Variants in VEZT observed in about 807,000 individuals in gnomAD.
VEZT encodes the protein vezatin, adherens junctions transmembrane protein.
VEZT carries 39 observed loss-of-function variants against 79.9 expected under a neutral mutation model. That is an observed-to-expected ratio of 0.49 (90% CI 0.38 to 0.64). The LOEUF is 0.64. Among genes scored for constraint, VEZT ranks in the 30% least tolerant of loss-of-function variants. VEZT has a pLI of 0.00. For missense variants in VEZT, 837 were observed against 893.1 expected (o/e 0.94, Z 0.80); for synonymous variants, 325 against 327.6 (o/e 0.99, Z 0.09).
chr12:95,280,933 T>TA (rs143921755), intron 7 of VEZT, among the ~76,000 whole-genome samples: 72 of 150,376 alleles, frequency 4.8e-4, no homozygotes, highest in Middle Eastern at 6.8e-3. Context: ...TTGGTCACTT[T>TA]AAAAAAAAAA....
intron 3 of VEZT, among the ~76,000 whole-genome samples, chr12:95,257,517 C>T (rs2063654132): frequency 6.6e-6 from 1 of 152,090 alleles, no homozygotes; most frequent in Non-Finnish European, 1.5e-5. Flanking sequence ...GACAGGTATC[C>T]CTCTCTATAG....
chr12:95,300,634 A>T lies in VEZT; in HGVS notation c.2301A>T (p.Gln767His), dbSNP rs752828420. Reference sequence around the variant, plus strand: ...CTTTTGGTGGTGAGGAGGAAGAACAAATAATAGAAGAAAATAAAAATGAGA... The same window carrying T: ...CTTTTGGTGGTGAGGAGGAAGAACATATAATAGAAGAAAATAAAAATGAGA... ...EQTFGGEEEEQIIEENKNEIE... is the reference protein window; with the variant it reads ...EQTFGGEEEEHIIEENKNEIE... The change falls in exon 12 of 12, where the codon CAA becomes CAT. Residue 767 changes from glutamine (Q) to histidine (H), a missense_variant. Coordinates refer to ENST00000436874, the MANE Select transcript of VEZT (RefSeq NM_017599.4). 5 of 1,599,198 alleles carry T rather than the reference A, an allele frequency of 3.1e-6. No homozygotes were observed. The African/African-American group carries it at 4.0e-5, about 13-fold the overall frequency.
At position 95,302,436 on chromosome 12, in the gene VEZT, T is replaced by G. The variant is rs1356943146; in HGVS notation, c.*1763T>G. 6.6e-6 allele frequency: 1 copy of G among 152,196 alleles called. No individual in the cohort carries two copies. The highest frequency in any genetic ancestry group is 1.5e-5 in the Non-Finnish European group (1 of 68,018). The allele number at this position is 152,196 out of a possible 1,614,324, so 9.4% of individuals were successfully genotyped here. On this transcript the variant is annotated 3_prime_UTR_variant, in exon 12 of 12. Coordinates refer to ENST00000436874, the MANE Select transcript of VEZT (RefSeq NM_017599.4). Reference sequence around the variant, plus strand: ...TTTCCAGTCTTTCAGTCTGATCTATTTAATTCACTACTTGTTACATAATCC... The same window carrying G: ...TTTCCAGTCTTTCAGTCTGATCTATGTAATTCACTACTTGTTACATAATCC...
At chr12:95,292,847 CTTTT>C (rs1204643991) in intron 9 of VEZT, among the ~76,000 whole-genome samples, 1 of 96,476 alleles carries the variant, frequency 1.0e-5, no homozygotes. Flanking sequence ...GTACCTGGCC[CTTTT>C]TTTTTTTTTT....
At position 95,288,737 on chromosome 12, in the gene VEZT, C is replaced by T. The variant is rs539154934; in HGVS notation, c.1522+880C>T. ...AACATGCTAATTACTGATATATTAC[C>T]CGTAGGTTTTCTTAATATCTCAAAT... On this transcript the variant is annotated intron_variant, in intron 9 of 11. Coordinates refer to ENST00000436874, the MANE Select transcript of VEZT (RefSeq NM_017599.4). 3.9e-5 allele frequency among the ~76,000 whole-genome samples: 6 copies of T among 152,144 alleles called. No individual in the cohort carries two copies. The East Asian group carries it at 1.2e-3, about 29-fold the overall frequency.
At chr12:95,280,084 A>C (rs796188341) in intron 7 of VEZT, among the ~76,000 whole-genome samples, 19 of 152,210 alleles carry the variant, frequency 1.2e-4, no homozygotes, top group African/African-American at 4.3e-4. Flanking sequence ...TGGTCTCATT[A>C]ATGCTTACCT....
At chr12:95,221,826 C>G (rs1299169223) in intron 1 of VEZT, among the ~76,000 whole-genome samples, 1 of 151,476 alleles carries the variant, frequency 6.6e-6, no homozygotes, top group African/African-American at 2.4e-5. Flanking sequence ...CAGAGTGAGA[C>G]CATATCTCTA....
In VEZT at chr12:95,248,428, AT is replaced by A. The variant is rs1324474058; in HGVS notation, c.37-3509del. Among the ~76,000 whole-genome samples, 69 of 152,350 alleles carry A rather than the reference AT, an allele frequency of 4.5e-4. 2 individuals carry two copies. The highest frequency in any genetic ancestry group is 4.5e-3 in the Admixed American group (69 of 15,292). ...TGCCCTCAGCTTATATACAGAACATATTTGAAGAAAAAAGTATTCTTGTTTC... is the reference window on the plus strand; with the variant it reads ...TGCCCTCAGCTTATATACAGAACATATTGAAGAAAAAAGTATTCTTGTTTC... On this transcript the variant is annotated intron_variant, in intron 1 of 11. Transcript: ENST00000436874.
At chr12:95,290,360 C>T (rs1594145427) in intron 9 of VEZT, among the ~76,000 whole-genome samples, 1 of 152,128 alleles carries the variant, frequency 6.6e-6, no homozygotes, top group South Asian at 2.1e-4. Flanking sequence ...AAAGCCTATA[C>T]ATAAATATTT....
intron 11 of VEZT, chr12:95,297,090 C>G (rs2139890323): frequency 6.6e-6 from 1 of 152,290 alleles, no homozygotes; most frequent in East Asian, 1.9e-4. Context: ...TCCCCATACT[C>G]TGATTTCAGC....
Position 95,266,544 on chromosome 12 carries a change from G to A in VEZT, c.622G>A (p.Ala208Thr), listed in dbSNP as rs73374297. ...KKYSVHLEDM[A>T]TNSRAFTNLV... Reference sequence around the variant, plus strand: ...ATACAGCGTTCATTTGGAAGATATGGCCACAAACAGCCGAGCTTTTACTAA... The same window carrying A: ...ATACAGCGTTCATTTGGAAGATATGACCACAAACAGCCGAGCTTTTACTAA... The change falls in exon 5 of 12, where the codon GCC becomes ACC. Residue 208 changes from alanine (A) to threonine (T), a missense_variant. Transcript: ENST00000436874. 2,159 of 1,613,890 alleles carry A rather than the reference G, an allele frequency of 1.3e-3. 28 individuals carry two copies. In the African/African-American group the frequency reaches 0.025, roughly 19 times the overall value.
rs561047713 is a variant in VEZT, at chr12:95,246,172, G to C, written c.37-5768G>C. Among the ~76,000 whole-genome samples, 4 of 152,102 alleles carry C rather than the reference G, an allele frequency of 2.6e-5. No homozygotes were observed. In the East Asian group the frequency reaches 7.8e-4, roughly 29 times the overall value. Reference sequence around the variant, plus strand: ...GAGTCTCGCTCTGTTGCCCAGGCTGGAGTGCAGTGGCGGGATCTCAGCTCA... The same window carrying C: ...GAGTCTCGCTCTGTTGCCCAGGCTGCAGTGCAGTGGCGGGATCTCAGCTCA... On this transcript the variant is annotated intron_variant, in intron 1 of 11. Transcript: ENST00000436874.
chr12:95,286,710 T>C lies in VEZT; in HGVS notation c.1329-954T>C, dbSNP rs1594076644. Reference sequence around the variant, plus strand: ...AATTCCTTCAGGAAATATTCCACTTTCCCATTCCCTGCGTGTCTATCTAGT... The same window carrying C: ...AATTCCTTCAGGAAATATTCCACTTCCCCATTCCCTGCGTGTCTATCTAGT... On this transcript the variant is annotated intron_variant, in intron 8 of 11. Transcript: ENST00000436874. 3 of 394,434 alleles carry C rather than the reference T, an allele frequency of 7.6e-6. No individual in the cohort carries two copies. In the East Asian group the frequency reaches 1.9e-4, roughly 26 times the overall value. 24.4% of individuals were successfully genotyped at this position (394,434 alleles called of 1,614,324 possible).
rs1488189985 is a variant in VEZT, at chr12:95,243,939, AG to A, written c.37-7999del. The A allele has an allele frequency of 1.1e-5, 5 of 456,078 alleles. No individual in the cohort carries two copies. The Admixed American group carries it at 1.2e-4, about 11-fold the overall frequency. 28.3% of individuals were successfully genotyped at this position (456,078 alleles called of 1,614,324 possible). ...TTTGACCTTCTACCATATTATATCT[AG>A]GCAGCAGAGCCCTTGCTAGAAGCCA... On this transcript the variant is annotated intron_variant, in intron 1 of 11. Coordinates refer to ENST00000436874, the MANE Select transcript of VEZT (RefSeq NM_017599.4).
chr12:95,274,484 C>G (rs1021971536), intron 6 of VEZT, among the ~76,000 whole-genome samples: 1 of 151,992 alleles, frequency 6.6e-6, no homozygotes, highest in Non-Finnish European at 1.5e-5. Context: ...AAATAAATAA[C>G]GTATCACTTT....
In VEZT at chr12:95,235,692, C is replaced by T. The variant is rs569752258; in HGVS notation, c.37-16248C>T. ...GGCTGACCCCCACCTCCCTCCCGGACGGGGCGGCTGGCCGGGCGGGGGGCT... is the reference window on the plus strand; with the variant it reads ...GGCTGACCCCCACCTCCCTCCCGGATGGGGCGGCTGGCCGGGCGGGGGGCT... On this transcript the variant is annotated intron_variant, in intron 1 of 11. Coordinates refer to ENST00000436874, the MANE Select transcript of VEZT (RefSeq NM_017599.4). Among the ~76,000 whole-genome samples the T allele has an allele frequency of 5.7e-4, 86 of 150,112 alleles. No homozygotes were observed. In the South Asian group the frequency reaches 7.9e-3, roughly 14 times the overall value.
At position 95,302,483 on chromosome 12, in the gene VEZT, A is replaced by T. The variant is rs2075317053; in HGVS notation, c.*1810A>T. 1 of 152,138 alleles carries T rather than the reference A, an allele frequency of 6.6e-6. No individual in the cohort carries two copies. Among genetic ancestry groups the T allele is most frequent in the Admixed American group, 6.5e-5 (1 of 15,272 alleles). The allele number at this position is 152,138 out of a possible 1,614,324, so 9.4% of individuals were successfully genotyped here. ...ATCCAGTGAAAACTCTACTTGTTGAAATTATGACATAAAGATCTTGCAGCT... is the reference window on the plus strand; with the variant it reads ...ATCCAGTGAAAACTCTACTTGTTGATATTATGACATAAAGATCTTGCAGCT... On this transcript the variant is annotated 3_prime_UTR_variant, in exon 12 of 12. Transcript: ENST00000436874.
At chr12:95,253,523 T>TA (rs2062956051) in intron 2 of VEZT, among the ~76,000 whole-genome samples, 1 of 152,230 alleles carries the variant, frequency 6.6e-6, no homozygotes, top group African/African-American at 2.4e-5. Context: ...GGTTTGTATA[T>TA]AATAGGCTAT....
chr12:95,227,145 A>G (rs918891992), intron 1 of VEZT, among the ~76,000 whole-genome samples: 1 of 152,164 alleles, frequency 6.6e-6, no homozygotes, highest in Non-Finnish European at 1.5e-5. Flanking sequence ...TTAGAAAGGT[A>G]TTAAAGTTCT....
Sources: allele counts gnomAD v4.1 joint callset (sites outside exome capture counted in the v4.1 genomes callset), GRCh38; gene constraint gnomAD v4.1.1; transcripts MANE v1.5; gene names NCBI Gene and HGNC (gene_info 2026-07-23, HGNC 2026-07-21).